PCDHA3: variants seen among roughly 807,000 people sequenced by gnomAD.
The protein encoded by PCDHA3 is protocadherin alpha 3.
A neutral mutation model predicts 62.2 loss-of-function variants in PCDHA3; 41 were observed. The observed-to-expected ratio is 0.66, with a 90% CI of 0.51 to 0.86. PCDHA3 has a LOEUF of 0.86. PCDHA3 is among the 40% of genes least tolerant of loss of function. PCDHA3 has a pLI of 0.00. For synonymous variants in PCDHA3, 640 were observed against 555.4 expected, an observed-to-expected ratio of 1.15 and a Z score of -2.14; for missense variants, 1,304 against 1,241.2, an observed-to-expected ratio of 1.05 and a Z score of -0.76.
intron 1 of PCDHA3, chr5:140,851,731 T>C (rs1554145521): frequency 3.1e-6 from 3 of 971,456 alleles, no homozygotes; most frequent in African/African-American, 3.5e-5. Flanking sequence ...TCGAGTTCTT[T>C]TGAAATTCAG....
At chr5:140,866,880 C>T (rs1270572722) in intron 1 of PCDHA3, 2 of 152,032 alleles carry the variant, frequency 1.3e-5, no homozygotes, top group Non-Finnish European at 2.9e-5. Context: ...TTGGTATTAG[C>T]CTATACCCAG....
intron 1 of PCDHA3, chr5:140,882,457 G>C: frequency 1.2e-6 from 2 of 1,614,056 alleles, no homozygotes; most frequent in Non-Finnish European, 1.7e-6. Context: ...TGCCGCGCCT[G>C]TTCCGGGTGG....
At chr5:140,833,622 A>T (rs2150209848) in intron 1 of PCDHA3, among the ~76,000 whole-genome samples, 1 of 152,190 alleles carries the variant, frequency 6.6e-6, no homozygotes, top group East Asian at 1.9e-4. Context: ...AATTCAGAAT[A>T]CTTCCTCCTC....
chr5:140,934,995 T>G (rs1443676222), intron 1 of PCDHA3, among the ~76,000 whole-genome samples: 1 of 152,172 alleles, frequency 6.6e-6, no homozygotes, highest in East Asian at 1.9e-4. Context: ...ACACCCTGAA[T>G]CCTTTTCATG....
At chr5:140,895,994 A>G (rs1554186774) in intron 1 of PCDHA3, among the ~76,000 whole-genome samples, 1 of 152,038 alleles carries the variant, frequency 6.6e-6, no homozygotes, top group Non-Finnish European at 1.5e-5. Context: ...TATTTTAAGT[A>G]GAGACAGGGT....
intron 3 of PCDHA3, among the ~76,000 whole-genome samples, chr5:140,990,715 A>G (rs927680875): frequency 1.3e-5 from 2 of 152,194 alleles, no homozygotes; most frequent in Non-Finnish European, 2.9e-5. Context: ...GGATAAGAGC[A>G]TCACTAGGTA....
chr5:140,957,746 AG>A (rs1173855054), intron 1 of PCDHA3, among the ~76,000 whole-genome samples: 1 of 152,136 alleles, frequency 6.6e-6, no homozygotes, highest in Non-Finnish European at 1.5e-5. Flanking sequence ...CTGACATGAA[AG>A]GATGTTCATT....
chr5:140,828,576 T>C, intron 1 of PCDHA3: 3 of 1,614,230 alleles, frequency 1.9e-6, no homozygotes, highest in Admixed American at 1.7e-5. Context: ...GATGCAGATG[T>C]TGGCTCAAAT....
rs781922932 is a variant in PCDHA3 at position 140,801,416 on chromosome 5, C to A, written c.219C>A (p.Asp73Glu). 1.8e-5 allele frequency: 29 copies of A among 1,613,660 alleles called. No homozygotes were observed. Among genetic ancestry groups the A allele is most frequent in the South Asian group, 7.7e-5 (7 of 91,056 alleles). Reference sequence around the variant, plus strand: ...GGGTGGCGTCCAAAAGACACGGGGACCTTCTGGAGGTAAATCTGCAGAATG... The same window carrying A: ...GGGTGGCGTCCAAAAGACACGGGGAACTTCTGGAGGTAAATCTGCAGAATG... ...LFRVASKRHG[D>E]LLEVNLQNGI... Residue 73 changes from aspartate to glutamate, a missense_variant, in exon 1 of 4, where the codon GAC (aspartate) becomes GAA (glutamate). Transcript: ENST00000522353.
intron 1 of PCDHA3, chr5:140,871,331 C>A (rs1414219251): frequency 6.2e-7 from 1 of 1,614,102 alleles, no homozygotes; most frequent in Non-Finnish European, 8.5e-7. Flanking sequence ...TGCTCCCGCG[C>A]GGTGGGGAGC....
intron 1 of PCDHA3, chr5:140,847,378 T>C (rs2150399722): frequency 6.7e-6 from 1 of 149,708 alleles, no homozygotes; most frequent in East Asian, 1.9e-4. Context: ...AAAAGATAAA[T>C]ATGCAAAAAC....
chr5:140,929,646 A>G (rs868995130), intron 1 of PCDHA3: 1 of 365,824 alleles, frequency 2.7e-6, no homozygotes, highest in Non-Finnish European at 5.0e-6. Flanking sequence ...TGTGTAAGGC[A>G]CTCTAATATT....
At chr5:140,904,176 C>T (rs782427504) in intron 1 of PCDHA3, among the ~76,000 whole-genome samples, 31 of 152,098 alleles carry the variant, frequency 2.0e-4, no homozygotes, top group African/African-American at 6.7e-4. Context: ...TTTTATTCCT[C>T]ACCCCCTTCC....
Position 140,842,830 on chromosome 5 carries a change from G to C in PCDHA3, c.2394+39239G>C. On this transcript the variant is annotated intron_variant, in intron 1 of 3. Transcript: ENST00000522353. Reference sequence around the variant, plus strand: ...TGGAGCGGCGGGTGGGCGAGCGCTCGCTGTCGAGCTACATTTCGGTGCACA... The same window carrying C: ...TGGAGCGGCGGGTGGGCGAGCGCTCCCTGTCGAGCTACATTTCGGTGCACA... 2.4e-5 allele frequency: 39 copies of C among 1,593,780 alleles called. 3 individuals carry two copies. The highest frequency in any genetic ancestry group is 3.2e-5 in the Non-Finnish European group (37 of 1,165,316).
In PCDHA3 at chr5:140,802,957, C is replaced by A. The variant is rs368124157; in HGVS notation, c.1760C>A (p.Ala587Glu). ...VSELVPRSVG[A>E]GHVVAKVRAV... Reference sequence around the variant, plus strand: ...GAGCTGGTGCCGCGGTCAGTGGGTGCGGGCCACGTGGTAGCGAAGGTGCGC... The same window carrying A: ...GAGCTGGTGCCGCGGTCAGTGGGTGAGGGCCACGTGGTAGCGAAGGTGCGC... Residue 587 changes from alanine to glutamate, a missense_variant, in exon 1 of 4, where the codon GCG (alanine) becomes GAG (glutamate). Transcript: ENST00000522353. The A allele has an allele frequency of 3.1e-6, 5 of 1,613,890 alleles. No homozygotes were observed. The highest frequency in any genetic ancestry group is 4.2e-6 in the Non-Finnish European group (5 of 1,179,896).
chr5:140,977,681 A>G (rs1363970729), intron 1 of PCDHA3, among the ~76,000 whole-genome samples: 2 of 152,208 alleles, frequency 1.3e-5, no homozygotes, highest in African/African-American at 4.8e-5. Context: ...AATATCATGT[A>G]GCCATCCAGA....
In PCDHA3 at chr5:140,858,149, G is replaced by A. The variant is rs782725386; in HGVS notation, c.2394+54558G>A. The A allele has an allele frequency of 1.5e-5, 24 of 1,597,456 alleles. 4 individuals carry two copies. The highest frequency in any genetic ancestry group is 1.3e-4 in the African/African-American group (10 of 74,378). ...GGATGTCAACGTGTACCTGATCATC[G>A]CCATCTGCGCGGTGTCCAGCTTGCT... On this transcript the variant is annotated intron_variant, in intron 1 of 3. Transcript: ENST00000522353.
chr5:140,945,409 T>C (rs945280530), intron 1 of PCDHA3, among the ~76,000 whole-genome samples: 4 of 152,116 alleles, frequency 2.6e-5, no homozygotes, highest in African/African-American at 9.7e-5. Flanking sequence ...ACAATTCGTA[T>C]CAAAATTTCA....
At chr5:140,854,020 G>A (rs1303462522) in intron 1 of PCDHA3, 3 of 327,902 alleles carry the variant, frequency 9.1e-6, no homozygotes, top group East Asian at 1.7e-4. Context: ...AAATTAGCCG[G>A]GCATGGTGGC....
Sources: gnomAD v4.1 joint callset for allele counts (sites outside exome capture counted in the v4.1 genomes callset) on GRCh38, gnomAD v4.1.1 for gene constraint, MANE v1.5 for transcripts, NCBI Gene and HGNC (gene_info 2026-07-23, HGNC 2026-07-21) for gene names.